Variants in DLG2 observed in about 807,000 individuals in gnomAD.
DLG2 encodes the protein discs large MAGUK scaffold protein 2, also known as disks large homolog 2.
Under a neutral mutation model 132.5 loss-of-function variants are expected in DLG2, and 45 were observed. The ratio of observed to expected loss-of-function variants is 0.34; its 90% CI spans 0.27 to 0.44. The LOEUF is 0.44. DLG2 is among the 20% of genes least tolerant of loss of function. The pLI, the probability that DLG2 is intolerant of heterozygous loss-of-function variation, is 1.00. For missense variants in DLG2, 1,045 were observed against 1,196.9 expected (o/e 0.87, Z 1.87); for synonymous variants, 424 against 419.6 (o/e 1.01, Z -0.13).
At chr11:83,533,908 G>C (rs557858799) in intron 20 of DLG2, among the ~76,000 whole-genome samples, 2 of 152,120 alleles carry the variant, frequency 1.3e-5, no homozygotes, top group African/African-American at 4.8e-5. Context: ...GTGGAAGATA[G>C]ACTGAAGGAG....
intron 3 of DLG2, among the ~76,000 whole-genome samples, chr11:85,468,244 G>T (rs546100634): frequency 1.3e-5 from 2 of 151,348 alleles, no homozygotes; most frequent in East Asian, 1.9e-4. Flanking sequence ...CAATTTTGTT[G>T]ATCTTTTCAA....
intron 10 of DLG2, among the ~76,000 whole-genome samples, chr11:84,072,818 C>A (rs775295037): frequency 5.9e-5 from 9 of 152,120 alleles, no homozygotes; most frequent in African/African-American, 9.7e-5. Flanking sequence ...TAGAAGAAAG[C>A]AAGAATTGTT....
At chr11:84,400,319 C>T (rs1002358589) in intron 7 of DLG2, among the ~76,000 whole-genome samples, 3 of 152,108 alleles carry the variant, frequency 2.0e-5, no homozygotes, top group Non-Finnish European at 4.4e-5. Flanking sequence ...TGTTATTTAT[C>T]GGCTAAATAA....
At chr11:84,743,602 T>A (rs1000353144) in intron 6 of DLG2, among the ~76,000 whole-genome samples, 3 of 152,096 alleles carry the variant, frequency 2.0e-5, no homozygotes, top group African/African-American at 7.2e-5. Context: ...TACATGACGA[T>A]GTGAGAAAAG....
rs574139187 is a variant in DLG2, at chr11:84,823,689, TA to T, written c.357+287971del. Among the ~76,000 whole-genome samples the T allele has an allele frequency of 2.6e-3, 386 of 150,342 alleles. 4 individuals carry two copies. The highest frequency in any genetic ancestry group is 8.8e-3 in the African/African-American group (360 of 41,082). On this transcript the variant is annotated intron_variant, in intron 6 of 27. Transcript: ENST00000376104. ...ATAGCACATATATCATCACTCAACA[TA>T]AAAAAAAGTTCCATATTTCTTTTTA...
intron 17 of DLG2, among the ~76,000 whole-genome samples, chr11:83,813,129 T>C (rs1324072189): frequency 6.6e-6 from 1 of 152,128 alleles, no homozygotes; most frequent in Non-Finnish European, 1.5e-5. Context: ...AGTTTGCACA[T>C]CTAGTTGATA....
intron 3 of DLG2, among the ~76,000 whole-genome samples, chr11:85,290,629 T>C (rs930247434): frequency 6.6e-6 from 1 of 152,102 alleles, no homozygotes; most frequent in African/African-American, 2.4e-5. Flanking sequence ...AAACAATAAG[T>C]ACTTAGTATG....
intron 6 of DLG2, among the ~76,000 whole-genome samples, chr11:84,893,283 C>T (rs776175232): frequency 2.6e-5 from 4 of 152,144 alleles, no homozygotes; most frequent in African/African-American, 9.7e-5. Flanking sequence ...GACCCTGCAT[C>T]CTGCCCAAAT....
chr11:85,503,728 T>A (rs2093859194), intron 3 of DLG2, among the ~76,000 whole-genome samples: 1 of 151,906 alleles, frequency 6.6e-6, no homozygotes, highest in Non-Finnish European at 1.5e-5. Flanking sequence ...GTTCAGGAGT[T>A]CAAGACCGAG....
intron 3 of DLG2, among the ~76,000 whole-genome samples, chr11:85,534,946 A>G (rs1259069944): frequency 6.6e-6 from 1 of 152,174 alleles, no homozygotes; most frequent in African/African-American, 2.4e-5. Context: ...ACTAATTTAC[A>G]TTTTCACCAA....
chr11:85,441,216 G>T (rs2091760873), intron 3 of DLG2, among the ~76,000 whole-genome samples: 1 of 152,100 alleles, frequency 6.6e-6, no homozygotes, highest in Admixed American at 6.5e-5. Context: ...CAGCTCAGGA[G>T]TCAAATCTAA....
At chr11:83,724,284 GC>G (rs528602556) in intron 18 of DLG2, among the ~76,000 whole-genome samples, 14 of 152,116 alleles carry the variant, frequency 9.2e-5, no homozygotes, top group Non-Finnish European at 1.6e-4. Flanking sequence ...ACACACATAA[GC>G]CTGGCTCCCT....
chr11:85,085,065 CT>C (rs2067739922), intron 6 of DLG2, among the ~76,000 whole-genome samples: 1 of 152,084 alleles, frequency 6.6e-6, no homozygotes, highest in African/African-American at 2.4e-5. Flanking sequence ...GATTCTGATT[CT>C]GTTGGTTATT....
intron 16 of DLG2, among the ~76,000 whole-genome samples, chr11:83,870,533 A>G (rs2063235836): frequency 6.6e-6 from 1 of 152,126 alleles, no homozygotes; most frequent in Non-Finnish European, 1.5e-5. Context: ...TAGGTTGATT[A>G]GGCTTTTTAA....
At chr11:83,745,344 T>C (rs901284348) in intron 18 of DLG2, among the ~76,000 whole-genome samples, 2 of 152,222 alleles carry the variant, frequency 1.3e-5, no homozygotes, top group Non-Finnish European at 2.9e-5. Flanking sequence ...GATTTAGCTT[T>C]CTTCTGTTCT....
intron 7 of DLG2, among the ~76,000 whole-genome samples, chr11:84,402,814 G>A (rs188252915): frequency 1.1e-4 from 16 of 143,874 alleles, no homozygotes; most frequent in African/African-American, 1.7e-4. Context: ...GCCGGGAGGC[G>A]GAGCTTGCAG....
chr11:84,023,145 TATAA>T (rs1487422033), intron 11 of DLG2, among the ~76,000 whole-genome samples: 3 of 152,130 alleles, frequency 2.0e-5, no homozygotes, highest in African/African-American at 2.4e-5. Context: ...CTACTAAAAT[TATAA>T]ATAGTCTGCC....
chr11:84,439,090 A>G (rs552431292), intron 7 of DLG2, among the ~76,000 whole-genome samples: 3 of 152,236 alleles, frequency 2.0e-5, no homozygotes, highest in African/African-American at 7.2e-5. Context: ...ACCCATGTTC[A>G]TGTTACTCAC....
At chr11:84,293,190 C>T (rs867918120) in intron 7 of DLG2, among the ~76,000 whole-genome samples, 116 of 151,926 alleles carry the variant, frequency 7.6e-4, no homozygotes, top group African/African-American at 2.5e-3. Context: ...AGTATTCTGG[C>T]AGCTTTAGGT....
Sources: allele counts gnomAD v4.1 joint callset (sites outside exome capture counted in the v4.1 genomes callset), GRCh38; gene constraint gnomAD v4.1.1; transcripts MANE v1.5; gene names NCBI Gene and HGNC (gene_info 2026-07-23, HGNC 2026-07-21).